FAM171B: variants seen among roughly 807,000 people sequenced by gnomAD.
FAM171B encodes family with sequence similarity 171 member B, also known as protein FAM171B.
FAM171B carries 19 observed loss-of-function variants against 75.6 expected under a neutral mutation model. The ratio of observed to expected loss-of-function variants is 0.25; its 90% CI spans 0.18 to 0.37. The LOEUF is 0.37. FAM171B is among the 10% of genes least tolerant of loss of function. The pLI, the probability that FAM171B is intolerant of heterozygous loss-of-function variation, is 1.00. For synonymous variants in FAM171B, 367 were observed against 361.7 expected, an observed-to-expected ratio of 1.01 and a Z score of -0.17; for missense variants, 848 against 982.4, an observed-to-expected ratio of 0.86 and a Z score of 1.83.
chr2:186,696,442 A>C, intron 1 of FAM171B, among the ~76,000 whole-genome samples: 1 of 129,444 alleles, frequency 7.7e-6, no homozygotes, highest in African/African-American at 2.9e-5. Flanking sequence ...TTCTCCTCAC[A>C]CAGCTAGCGA....
At chr2:186,709,582 T>C (rs899966051) in intron 1 of FAM171B, among the ~76,000 whole-genome samples, 3 of 152,106 alleles carry the variant, frequency 2.0e-5, no homozygotes, top group Non-Finnish European at 4.4e-5. Context: ...ACAGTGGGAG[T>C]GTCACCATCT....
At position 186,761,207 on chromosome 2, in the gene FAM171B, A is replaced by C; in HGVS notation, c.1107A>C (p.Gly369=). Residue 369 remains glycine, a synonymous_variant, in exon 7 of 8, where the codon GGA becomes GGC. Transcript: ENST00000304698. The part of the protein sequence containing the change: ...ILGGTIVIVI[G]FFAVLLCYCR... ...GAGGAACAATAGTCATTGTCATTGG[A>C]TTTTTTGCTGTACTACTTTGTTATT... The C allele has an allele frequency of 6.2e-7, 1 of 1,612,348 alleles. No homozygotes were observed. Among genetic ancestry groups the C allele is most frequent in the Non-Finnish European group, 8.5e-7 (1 of 1,179,112 alleles).
At chr2:186,721,636 C>G (rs1235509965) in intron 1 of FAM171B, among the ~76,000 whole-genome samples, 1 of 152,120 alleles carries the variant, frequency 6.6e-6, no homozygotes, top group Non-Finnish European at 1.5e-5. Flanking sequence ...TCTCTAAACT[C>G]TCACTTTACC....
At chr2:186,725,290 G>A (rs1199876998) in intron 1 of FAM171B, among the ~76,000 whole-genome samples, 1 of 150,264 alleles carries the variant, frequency 6.7e-6, no homozygotes. Context: ...CTTGCAGTGA[G>A]CCGAGACCAC....
intron 5 of FAM171B, among the ~76,000 whole-genome samples, chr2:186,752,986 A>G (rs991576486): frequency 6.6e-6 from 1 of 152,230 alleles, no homozygotes; most frequent in Non-Finnish European, 1.5e-5. Context: ...CTATAAGAAC[A>G]ATACCAACAG....
chr2:186,718,292 G>A (rs1028096264), intron 1 of FAM171B, among the ~76,000 whole-genome samples: 2 of 152,110 alleles, frequency 1.3e-5, no homozygotes, highest in Non-Finnish European at 2.9e-5. Flanking sequence ...CATCAGCAGC[G>A]GAATGAAATC....
chr2:186,703,063 G>GTA (rs1254050224), intron 1 of FAM171B, among the ~76,000 whole-genome samples: 57 of 128,684 alleles, frequency 4.4e-4, no homozygotes, highest in Non-Finnish European at 5.7e-4. Flanking sequence ...ATGTGTGTGT[G>GTA]TATATATATA....
chr2:186,725,620 G>A (rs1482396370), intron 1 of FAM171B, among the ~76,000 whole-genome samples: 1 of 152,192 alleles, frequency 6.6e-6, no homozygotes, highest in Non-Finnish European at 1.5e-5. Flanking sequence ...TCACAGAGGA[G>A]CGCTCTCACA....
At chr2:186,705,251 G>C (rs918665773) in intron 1 of FAM171B, among the ~76,000 whole-genome samples, 11 of 152,192 alleles carry the variant, frequency 7.2e-5, no homozygotes, top group Non-Finnish European at 1.0e-4. Flanking sequence ...TATTTCTAGG[G>C]AAGAGGTAGT....
chr2:186,735,104 G>C (rs914936671), intron 1 of FAM171B, among the ~76,000 whole-genome samples: 1 of 152,188 alleles, frequency 6.6e-6, no homozygotes, highest in South Asian at 2.1e-4. Flanking sequence ...TAGGGGCAGG[G>C]CTCCCTCTGG....
At chr2:186,708,510 A>G (rs1402765475) in intron 1 of FAM171B, among the ~76,000 whole-genome samples, 2 of 152,176 alleles carry the variant, frequency 1.3e-5, no homozygotes, top group Non-Finnish European at 2.9e-5. Context: ...ATAGTGTGAT[A>G]AGTATATTTG....
chr2:186,712,503 T>TG (rs1460594629), intron 1 of FAM171B, among the ~76,000 whole-genome samples: 1 of 152,114 alleles, frequency 6.6e-6, no homozygotes, highest in Non-Finnish European at 1.5e-5. Context: ...TATATGAGTT[T>TG]GGGGTAAATG....
At chr2:186,703,292 C>T (rs187538326) in intron 1 of FAM171B, among the ~76,000 whole-genome samples, 41 of 152,204 alleles carry the variant, frequency 2.7e-4, no homozygotes, top group African/African-American at 8.9e-4. Context: ...AGATGTAGAA[C>T]GTTTACTTGG....
intron 5 of FAM171B, among the ~76,000 whole-genome samples, 188 bp from the exon 6 acceptor site, chr2:186,753,745 C>G (rs914888409): frequency 5.9e-5 from 9 of 151,994 alleles, no homozygotes; most frequent in African/African-American, 2.2e-4. Context: ...TTTTTGGTCA[C>G]AACAAATCAT....
At chr2:186,741,794 C>A (rs1690291600) in intron 2 of FAM171B, among the ~76,000 whole-genome samples, 1 of 152,004 alleles carries the variant, frequency 6.6e-6, no homozygotes, top group African/African-American at 2.4e-5. Context: ...TAAACTTTGA[C>A]CCAGTATTCA....
At chr2:186,696,309 A>T (rs1392274669) in intron 1 of FAM171B, among the ~76,000 whole-genome samples, 1 of 151,926 alleles carries the variant, frequency 6.6e-6, no homozygotes, top group African/African-American at 2.4e-5. Flanking sequence ...AGTTATTGGA[A>T]TATTGAGTCT....
chr2:186,734,893 G>A (rs374002216), intron 1 of FAM171B, among the ~76,000 whole-genome samples: 1 of 152,238 alleles, frequency 6.6e-6, no homozygotes, highest in South Asian at 2.1e-4. Context: ...AAAAGTGCCT[G>A]TTCTTGACCA....
intron 1 of FAM171B, among the ~76,000 whole-genome samples, chr2:186,718,220 T>G (rs1689900920): frequency 6.6e-6 from 1 of 152,160 alleles, no homozygotes; most frequent in East Asian, 1.9e-4. Flanking sequence ...TTTTACAAAT[T>G]GCTCCCAGAG....
intron 5 of FAM171B, among the ~76,000 whole-genome samples, chr2:186,753,454 A>G (rs1690485699): frequency 6.6e-6 from 1 of 152,388 alleles, no homozygotes; most frequent in East Asian, 1.9e-4. Context: ...TTTAAAACTC[A>G]CAAAATTAAT....
Sources: allele counts gnomAD v4.1 joint callset (sites outside exome capture counted in the v4.1 genomes callset), GRCh38; gene constraint gnomAD v4.1.1; transcripts MANE v1.5; gene names NCBI Gene and HGNC (gene_info 2026-07-23, HGNC 2026-07-21).